The following SLC24A2 variants were observed in gnomAD, a reference collection of about 807,000 sequenced individuals.
SLC24A2 encodes the protein sodium/potassium/calcium exchanger 2.
Under a neutral mutation model 62.0 loss-of-function variants are expected in SLC24A2, and 36 were observed. That is an observed-to-expected ratio of 0.58 (90% CI 0.44 to 0.77). The LOEUF is 0.77. Among genes scored for constraint, SLC24A2 ranks in the 30% least tolerant of loss-of-function variants. The pLI is 0.00. For missense variants in SLC24A2, 846 were observed against 817.9 expected (o/e 1.03, Z -0.42); for synonymous variants, 358 against 294.0 (o/e 1.22, Z -2.23).
intron 6 of SLC24A2, 44 bp downstream of exon 6, chr9:19,576,880 C>T (rs1406158219): frequency 6.8e-7 from 1 of 1,466,188 alleles, no homozygotes; most frequent in Non-Finnish European, 9.6e-7. Context: ...GCTCCCCTCG[C>T]TTCCCCCAGG....
At chr9:20,188,260 T>C in the SLC24A2 span, among the ~76,000 whole-genome samples, 1 of 152,206 alleles carries the variant, frequency 6.6e-6, no homozygotes, top group East Asian at 1.9e-4. Flanking sequence ...CCTGGTTTCC[T>C]TGGAGTTCCC....
chr9:20,246,697 C>T, the SLC24A2 span, among the ~76,000 whole-genome samples: 2 of 152,160 alleles, frequency 1.3e-5, no homozygotes, highest in Admixed American at 6.5e-5. Flanking sequence ...AAGGGAGAAG[C>T]CCCTGACATT....
Position 19,515,688 on chromosome 9 carries a change from C to G in SLC24A2, c.*465G>C, listed in dbSNP as rs1832892978. Reference sequence around the variant, plus strand: ...GATGCATTTGTACTTTTATATATATCTGATTTTATATATATATATATAATT... The same window carrying G: ...GATGCATTTGTACTTTTATATATATGTGATTTTATATATATATATATAATT... On this transcript the variant is annotated 3_prime_UTR_variant, in exon 11 of 11. Transcript: ENST00000341998. 6.6e-6 allele frequency: 1 copy of G among 151,472 alleles called. No homozygotes were observed. The highest frequency in any genetic ancestry group is 1.5e-5 in the Non-Finnish European group (1 of 68,100). The allele number at this position is 151,472 out of a possible 1,614,324, so 9.4% of individuals were successfully genotyped here.
chr9:20,088,039 G>A, the SLC24A2 span, among the ~76,000 whole-genome samples: 12 of 152,318 alleles, frequency 7.9e-5, no homozygotes, highest in African/African-American at 2.6e-4. Context: ...GATATGTAGA[G>A]TCTTGGAAGA....
At position 19,560,457 on chromosome 9, in the gene SLC24A2, T is replaced by G. The variant is rs777810868; in HGVS notation, c.1348-10189A>C. On this transcript the variant is annotated intron_variant, in intron 7 of 10. Coordinates refer to ENST00000341998, the MANE Select transcript of SLC24A2 (RefSeq NM_020344.4). The stretch of plus-strand genomic sequence containing the variant: ...AAGATATACCAGAAGGCTTGTGCTC[T>G]CTCTCTGTCTCTATGTCCCCCTCTT... Among the ~76,000 whole-genome samples the G allele has an allele frequency of 4.6e-5, 7 of 152,178 alleles. No individual in the cohort carries two copies. The South Asian group carries it at 6.2e-4, about 14-fold the overall frequency.
chr9:19,887,564 T>G, the SLC24A2 span, among the ~76,000 whole-genome samples: 60,757 of 151,624 alleles, frequency 0.4, 12,704 homozygotes, highest in East Asian at 0.83. Flanking sequence ...GATGTGGGTA[T>G]GGATGCAGTG....
chr9:19,542,493 A>G (rs1244337473), intron 8 of SLC24A2, among the ~76,000 whole-genome samples: 2 of 152,168 alleles, frequency 1.3e-5, no homozygotes, highest in African/African-American at 4.8e-5. Context: ...AGGAGTGATG[A>G]GAGAGGGCAT....
intron 2 of SLC24A2, among the ~76,000 whole-genome samples, chr9:19,690,921 G>GAGAA (rs1820027007): frequency 1.6e-5 from 1 of 62,724 alleles, no homozygotes; most frequent in African/African-American, 3.1e-5. Flanking sequence ...GTGCGTGTGA[G>GAGAA]AGAGAGAGAG....
At chr9:20,057,314 G>A in the SLC24A2 span, among the ~76,000 whole-genome samples, 3 of 152,098 alleles carry the variant, frequency 2.0e-5, no homozygotes, top group African/African-American at 4.8e-5. Flanking sequence ...ATCTTTTGAT[G>A]TACCTGGCCA....
the SLC24A2 span, among the ~76,000 whole-genome samples, chr9:20,283,544 A>C: frequency 6.6e-6 from 1 of 152,320 alleles, no homozygotes; most frequent in African/African-American, 2.4e-5. Flanking sequence ...CGGAATATCC[A>C]TACGGGTCAG....
At chr9:19,673,066 T>C (rs1819462958) in intron 2 of SLC24A2, among the ~76,000 whole-genome samples, 1 of 146,606 alleles carries the variant, frequency 6.8e-6, no homozygotes, top group South Asian at 2.2e-4. Flanking sequence ...TTCCAGGGTA[T>C]AGTTTAAATC....
At chr9:19,603,396 T>C (rs960385110) in intron 4 of SLC24A2, among the ~76,000 whole-genome samples, 4 of 152,166 alleles carry the variant, frequency 2.6e-5, no homozygotes, top group Non-Finnish European at 4.4e-5. Context: ...CTGCTTTTTT[T>C]AAAAAGGATT....
At chr9:19,535,285 T>C (rs1833904065) in intron 8 of SLC24A2, among the ~76,000 whole-genome samples, 1 of 152,212 alleles carries the variant, frequency 6.6e-6, no homozygotes, top group Non-Finnish European at 1.5e-5. Flanking sequence ...GCAAAATTTT[T>C]CTCCCATTCT....
At chr9:20,048,713 T>C in the SLC24A2 span, among the ~76,000 whole-genome samples, 5 of 151,898 alleles carry the variant, frequency 3.3e-5, no homozygotes, top group Non-Finnish European at 7.4e-5. Context: ...GAGGGAAAAA[T>C]GGAATTCCAT....
At chr9:20,182,950 T>C in the SLC24A2 span, among the ~76,000 whole-genome samples, 3 of 152,248 alleles carry the variant, frequency 2.0e-5, no homozygotes, top group African/African-American at 4.8e-5. Context: ...GAGGCAACTA[T>C]TCCTTTTAAA....
At chr9:20,301,330 T>C in the SLC24A2 span, among the ~76,000 whole-genome samples, 3 of 152,164 alleles carry the variant, frequency 2.0e-5, no homozygotes, top group Admixed American at 6.5e-5. Context: ...TTTTTTTTCT[T>C]ATTATAAAAA....
chr9:19,684,658 C>T lies in SLC24A2; in HGVS notation c.931-62359G>A, dbSNP rs147923654. ...TATCTGGAATTTGGGTCTTTCATTA[C>T]GAAAGACAAATTGTGAAGAAAGTAG... On this transcript the variant is annotated intron_variant, in intron 2 of 10. Transcript: ENST00000341998. Among the ~76,000 whole-genome samples, 80 of 152,082 alleles carry T rather than the reference C, an allele frequency of 5.3e-4. 1 individual carries two copies. The Middle Eastern group carries it at 0.027, about 52-fold the overall frequency.
chr9:19,847,845 G>C, the SLC24A2 span, among the ~76,000 whole-genome samples: 1 of 152,104 alleles, frequency 6.6e-6, no homozygotes, highest in Non-Finnish European at 1.5e-5. Context: ...CATTGACCCA[G>C]TTTTCTCAGA....
the SLC24A2 span, among the ~76,000 whole-genome samples, chr9:20,005,516 C>A: frequency 6.6e-6 from 1 of 151,780 alleles, no homozygotes; most frequent in Non-Finnish European, 1.5e-5. Flanking sequence ...TGCTTAAGAT[C>A]ACAAAGTTAC....
Sources: allele counts gnomAD v4.1 joint callset (sites outside exome capture counted in the v4.1 genomes callset), GRCh38; gene constraint gnomAD v4.1.1; transcripts MANE v1.5; gene names NCBI Gene and HGNC (gene_info 2026-07-23, HGNC 2026-07-21).